The following ZNF804B variants were observed in gnomAD, a reference collection of about 807,000 sequenced individuals.
ZNF804B encodes the protein zinc finger protein 804B, also known as zinc finger 804B.
ZNF804B carries 80 observed loss-of-function variants against 101.4 expected under a neutral mutation model. The observed-to-expected ratio is 0.79, with a 90% CI of 0.66 to 0.95. ZNF804B has a LOEUF of 0.95. Among genes scored for constraint, ZNF804B ranks in the 40% least tolerant of loss-of-function variants. The probability of loss-of-function intolerance (pLI) is 0.00; values close to 1 mark genes in which losing one functional copy is unlikely to be tolerated. For missense variants in ZNF804B, 1,673 were observed against 1,561.9 expected (o/e 1.07, Z -1.20); for synonymous variants, 622 against 558.8 (o/e 1.11, Z -1.59).
At chr7:89,249,058 G>T (rs954791283) in intron 2 of ZNF804B, among the ~76,000 whole-genome samples, 1 of 148,248 alleles carries the variant, frequency 6.7e-6, no homozygotes, top group Non-Finnish European at 1.5e-5. Flanking sequence ...ACAAAGAAGG[G>T]CATTACATAA....
At chr7:89,005,379 G>A (rs1041066586) in intron 1 of ZNF804B, among the ~76,000 whole-genome samples, 2 of 151,888 alleles carry the variant, frequency 1.3e-5, no homozygotes, top group Admixed American at 1.3e-4. Flanking sequence ...TAGTTATGAA[G>A]TCTACTGCAA....
intron 1 of ZNF804B, among the ~76,000 whole-genome samples, chr7:88,772,450 G>GT (rs1423047049): frequency 2.6e-5 from 4 of 152,156 alleles, no homozygotes; most frequent in African/African-American, 9.7e-5. Context: ...AATAGAGAAG[G>GT]TGAGAAAGCA....
chr7:88,839,475 A>T (rs150208582), intron 1 of ZNF804B, among the ~76,000 whole-genome samples: 43 of 152,090 alleles, frequency 2.8e-4, no homozygotes, highest in African/African-American at 1.0e-3. Context: ...TTGCACAGCT[A>T]TTAGGTGGCA....
In ZNF804B at chr7:89,018,299, T is replaced by C. The variant is rs571238617; in HGVS notation, c.109-199856T>C. Among the ~76,000 whole-genome samples the C allele has an allele frequency of 1.8e-4, 27 of 152,290 alleles. No individual in the cohort carries two copies. In the South Asian group the frequency reaches 5.6e-3, roughly 32 times the overall value. On this transcript the variant is annotated intron_variant, in intron 1 of 3. Coordinates refer to ENST00000333190, the MANE Select transcript of ZNF804B (RefSeq NM_181646.5). The stretch of plus-strand genomic sequence containing the variant: ...TGATTTTACTCTTTTATTCTGTTGA[T>C]GTGATGTATCATATTTATTGATTTG...
Position 89,139,757 on chromosome 7 carries a change from G to T in ZNF804B, c.109-78398G>T, listed in dbSNP as rs60168800. Among the ~76,000 whole-genome samples the T allele has an allele frequency of 5.4e-3, 828 of 152,178 alleles. 8 individuals are homozygous for T. Among genetic ancestry groups the T allele is most frequent in the African/African-American group, 0.019 (786 of 41,548 alleles). On this transcript the variant is annotated intron_variant, in intron 1 of 3. Transcript: ENST00000333190. ...TTCTCTTGCTGTGTCCACCACATCT[G>T]CAGTTACTTCCTCTACTGAAATCTT...
chr7:88,950,269 G>A (rs375859400), intron 1 of ZNF804B, among the ~76,000 whole-genome samples: 1 of 151,746 alleles, frequency 6.6e-6, no homozygotes. Flanking sequence ...CAGTTTAATT[G>A]CACTGTAATT....
chr7:88,878,566 C>T (rs1248897443), intron 1 of ZNF804B, among the ~76,000 whole-genome samples: 1 of 151,900 alleles, frequency 6.6e-6, no homozygotes, highest in African/African-American at 2.4e-5. Flanking sequence ...TATATTCAAA[C>T]CTATTTGTTA....
intron 1 of ZNF804B, among the ~76,000 whole-genome samples, chr7:89,110,205 C>T (rs201792002): frequency 1.3e-5 from 2 of 151,912 alleles, no homozygotes; most frequent in Admixed American, 1.3e-4. Flanking sequence ...TATAGCACAA[C>T]AAAACTGCCA....
chr7:88,973,185 A>G (rs770825665), intron 1 of ZNF804B, among the ~76,000 whole-genome samples: 1 of 151,180 alleles, frequency 6.6e-6, no homozygotes, highest in Non-Finnish European at 1.5e-5. Flanking sequence ...TATTCATTAA[A>G]ATAATGTGCA....
intron 1 of ZNF804B, among the ~76,000 whole-genome samples, chr7:88,925,247 C>T (rs1203946798): frequency 5.3e-5 from 8 of 152,112 alleles, no homozygotes; most frequent in African/African-American, 1.7e-4. Flanking sequence ...TTAACACTTA[C>T]ACACTCCAAT....
intron 1 of ZNF804B, among the ~76,000 whole-genome samples, chr7:89,087,399 A>G (rs370123867): frequency 3.7e-4 from 56 of 152,124 alleles, no homozygotes; most frequent in African/African-American, 1.2e-3. Context: ...TAATGCTTCA[A>G]AGTCCCAGAA....
intron 1 of ZNF804B, among the ~76,000 whole-genome samples, chr7:89,214,596 T>C (rs1788858797): frequency 6.6e-6 from 1 of 152,270 alleles, no homozygotes; most frequent in Middle Eastern, 3.4e-3. Context: ...AGCCAAGAAA[T>C]AGTGTGTGCT....
chr7:88,961,436 C>T (rs1793384301), intron 1 of ZNF804B, among the ~76,000 whole-genome samples: 1 of 151,278 alleles, frequency 6.6e-6, no homozygotes, highest in African/African-American at 2.4e-5. Context: ...GATTGCTGTC[C>T]TGCACTTCAG....
chr7:89,107,981 G>A (rs1790161143), intron 1 of ZNF804B, among the ~76,000 whole-genome samples: 1 of 152,088 alleles, frequency 6.6e-6, no homozygotes. Context: ...TAAGCCTGAA[G>A]CTAAAGAAGG....
At chr7:89,084,329 A>G (rs1394413552) in intron 1 of ZNF804B, among the ~76,000 whole-genome samples, 1 of 151,902 alleles carries the variant, frequency 6.6e-6, no homozygotes, top group Non-Finnish European at 1.5e-5. Flanking sequence ...CTCAAATCCT[A>G]GGAGGACCAA....
At chr7:89,043,504 T>G (rs1035400029) in intron 1 of ZNF804B, among the ~76,000 whole-genome samples, 1 of 152,156 alleles carries the variant, frequency 6.6e-6, no homozygotes, top group South Asian at 2.1e-4. Context: ...TAGAGTAAAT[T>G]TAGTTCTGAA....
intron 1 of ZNF804B, among the ~76,000 whole-genome samples, chr7:88,948,204 A>G (rs560212723): frequency 6.6e-6 from 1 of 150,786 alleles, no homozygotes; most frequent in Non-Finnish European, 1.5e-5. Flanking sequence ...ATGCCTGGGT[A>G]TTACTGGGTC....
chr7:89,161,914 A>G (rs1182512284), intron 1 of ZNF804B, among the ~76,000 whole-genome samples: 1 of 152,166 alleles, frequency 6.6e-6, no homozygotes, highest in Non-Finnish European at 1.5e-5. Flanking sequence ...AGTAAATTTT[A>G]TCCACATTTA....
chr7:89,016,632 A>G (rs1788566299), intron 1 of ZNF804B, among the ~76,000 whole-genome samples: 1 of 151,270 alleles, frequency 6.6e-6, no homozygotes, highest in Non-Finnish European at 1.5e-5. Context: ...AGGTTTGTCA[A>G]AGATCAGATA....
Sources: allele counts gnomAD v4.1 joint callset (sites outside exome capture counted in the v4.1 genomes callset), GRCh38; gene constraint gnomAD v4.1.1; transcripts MANE v1.5; gene names NCBI Gene and HGNC (gene_info 2026-07-23, HGNC 2026-07-21).